The following PHACTR1 variants were observed in gnomAD, a reference collection of about 807,000 sequenced individuals.
PHACTR1 encodes RPEL repeat containing 1.
Under a neutral mutation model 69.2 loss-of-function variants are expected in PHACTR1, and 16 were observed. That is an observed-to-expected ratio of 0.23 (90% CI 0.16 to 0.35). The LOEUF (loss-of-function observed/expected upper bound fraction) is 0.35. PHACTR1 is among the 10% of genes least tolerant of loss of function. The probability of loss-of-function intolerance (pLI) is 1.00; values close to 1 mark genes in which losing one functional copy is unlikely to be tolerated. For missense variants in PHACTR1, 510 were observed against 734.7 expected, an observed-to-expected ratio of 0.69 and a Z score of 3.54; for synonymous variants, 312 against 284.5, an observed-to-expected ratio of 1.10 and a Z score of -0.97.
chr6:12,835,289 T>C (rs1392601544), intron 4 of PHACTR1, among the ~76,000 whole-genome samples: 1 of 151,984 alleles, frequency 6.6e-6, no homozygotes, highest in Non-Finnish European at 1.5e-5. Context: ...ATGAGGTTTT[T>C]CTGGGGACAC....
Position 13,163,175 on chromosome 6 carries a change from G to T in PHACTR1, c.496+2891G>T, listed in dbSNP as rs541971489. ...CAGGAGAATCACTTGAACCCAGGAG[G>T]TGGAGGTTGCAGTGAGCCAAGATTG... On this transcript the variant is annotated intron_variant, in intron 6 of 14. Coordinates refer to ENST00000332995, the MANE Select transcript of PHACTR1 (RefSeq NM_030948.6). 2.6e-5 allele frequency among the ~76,000 whole-genome samples: 4 copies of T among 152,352 alleles called. No individual in the cohort carries two copies. The East Asian group carries it at 5.8e-4, about 22-fold the overall frequency.
intron 10 of PHACTR1, among the ~76,000 whole-genome samples, chr6:13,249,520 C>T (rs1440902882): frequency 3.3e-5 from 5 of 152,078 alleles, no homozygotes; most frequent in African/African-American, 7.2e-5. Flanking sequence ...GTGATTAAGC[C>T]GGGCGTGGTG....
Position 13,275,740 on chromosome 6 carries a change from C to T in PHACTR1, c.1448-2528C>T, listed in dbSNP as rs547534993. On this transcript the variant is annotated intron_variant, in intron 11 of 14. Transcript: ENST00000332995. The surrounding 1 kb of genome is among the most constrained non-coding windows in gnomAD (Gnocchi z 4.0). ...AGACGAGGTGGTCACTAGGTCCCCT[C>T]ATGGCCCTAGTATTCTGTGCTTCTG... 7.9e-4 allele frequency: 120 copies of T among 151,774 alleles called. No individual in the cohort carries two copies. Among genetic ancestry groups the T allele is most frequent in the African/African-American group, 2.6e-3 (108 of 41,282 alleles). 9.4% of individuals were successfully genotyped at this position (151,774 alleles called of 1,614,324 possible).
At chr6:13,041,373 C>T (rs1230665500) in intron 4 of PHACTR1, among the ~76,000 whole-genome samples, 2 of 151,372 alleles carry the variant, frequency 1.3e-5, no homozygotes, top group African/African-American at 4.9e-5. Context: ...CACACACACA[C>T]ACACACAGAA....
chr6:12,807,902 G>A (rs1371583689), intron 4 of PHACTR1, among the ~76,000 whole-genome samples: 4 of 152,124 alleles, frequency 2.6e-5, no homozygotes, highest in African/African-American at 9.7e-5. Flanking sequence ...AAATGTCGTT[G>A]CCCAATAAAG....
At chr6:13,227,508 G>A (rs1323777284) in intron 8 of PHACTR1, among the ~76,000 whole-genome samples, 4 of 152,046 alleles carry the variant, frequency 2.6e-5, no homozygotes, top group Non-Finnish European at 5.9e-5. Context: ...ACATCATTGT[G>A]CAACCATCAC....
chr6:12,959,593 A>G (rs1355387968), intron 4 of PHACTR1, among the ~76,000 whole-genome samples: 2 of 152,194 alleles, frequency 1.3e-5, no homozygotes, highest in Non-Finnish European at 2.9e-5. Context: ...TTAAATAATT[A>G]ATATCAGCAG....
intron 4 of PHACTR1, among the ~76,000 whole-genome samples, chr6:12,811,037 C>T (rs1010271144): frequency 1.7e-4 from 25 of 150,574 alleles, no homozygotes; most frequent in Middle Eastern, 3.2e-3. Context: ...TCAGTGGGTG[C>T]TCTGAGGACT....
At chr6:13,003,680 C>T (rs1366873301) in intron 4 of PHACTR1, among the ~76,000 whole-genome samples, 1 of 151,662 alleles carries the variant, frequency 6.6e-6, no homozygotes, top group Non-Finnish European at 1.5e-5. Context: ...TGAGTGTAGC[C>T]ATCACCCTAA....
In PHACTR1 at chr6:12,875,762, C is replaced by T. The variant is rs528652158; in HGVS notation, c.250+125972C>T. ...TGGAGAATTTGCTAGATAAACCTGG[C>T]TTGTGTTGTCAATATTTTTCGAGCT... On this transcript the variant is annotated intron_variant, in intron 4 of 14. Transcript: ENST00000332995. Among the ~76,000 whole-genome samples, 5 of 152,290 alleles carry T rather than the reference C, an allele frequency of 3.3e-5. No homozygotes were observed. The East Asian group carries it at 9.7e-4, about 29-fold the overall frequency.
chr6:12,899,103 C>A lies in PHACTR1; in HGVS notation c.250+149313C>A, dbSNP rs190293561. On this transcript the variant is annotated intron_variant, in intron 4 of 14. Coordinates refer to ENST00000332995, the MANE Select transcript of PHACTR1 (RefSeq NM_030948.6). The stretch of plus-strand genomic sequence containing the variant: ...CCTGCATTCTCCCAGAGCACCTGTG[C>A]GTGCTTCCCTCACATCACTTCTTAC... Among the ~76,000 whole-genome samples, 232 of 152,168 alleles carry A rather than the reference C, an allele frequency of 1.5e-3. 2 individuals are homozygous for A. Among genetic ancestry groups the A allele is most frequent in the Non-Finnish European group, 3.8e-4 (26 of 68,034 alleles).
chr6:12,793,940 C>G (rs1461225391), intron 4 of PHACTR1, among the ~76,000 whole-genome samples: 1 of 152,104 alleles, frequency 6.6e-6, no homozygotes, highest in East Asian at 1.9e-4. Flanking sequence ...ATTTATTATG[C>G]AACAACAAAA....
intron 10 of PHACTR1, among the ~76,000 whole-genome samples, chr6:13,238,705 G>A (rs755133453): frequency 1.1e-4 from 16 of 152,118 alleles, no homozygotes; most frequent in South Asian, 4.1e-4. Flanking sequence ...CTGACACACC[G>A]ACACCTAGCT....
intron 5 of PHACTR1, among the ~76,000 whole-genome samples, chr6:13,126,859 A>G (rs1177355628): frequency 6.6e-6 from 1 of 152,246 alleles, no homozygotes; most frequent in Non-Finnish European, 1.5e-5. Context: ...ACTTTACTAT[A>G]TACATCGTAG....
At position 12,790,376 on chromosome 6, in the gene PHACTR1, G is replaced by T. The variant is rs562605472; in HGVS notation, c.250+40586G>T. Among the ~76,000 whole-genome samples the T allele has an allele frequency of 3.9e-5, 6 of 152,170 alleles. No homozygotes were observed. In the South Asian group the frequency reaches 1.2e-3, roughly 32 times the overall value. ...GGTGCCTTAGAGGCTTTTCACTTTT[G>T]TTCCCTCTGCCTGGAATGCTCTTTT... On this transcript the variant is annotated intron_variant, in intron 4 of 14. Coordinates refer to ENST00000332995, the MANE Select transcript of PHACTR1 (RefSeq NM_030948.6).
intron 4 of PHACTR1, among the ~76,000 whole-genome samples, chr6:12,788,852 G>A (rs1472667436): frequency 1.3e-5 from 2 of 152,218 alleles, no homozygotes; most frequent in African/African-American, 2.4e-5. Flanking sequence ...CTGCATTGAA[G>A]ACTTGAAGGC....
intron 10 of PHACTR1, among the ~76,000 whole-genome samples, chr6:13,234,228 T>C (rs1198699009): frequency 6.6e-6 from 1 of 152,234 alleles, no homozygotes; most frequent in Non-Finnish European, 1.5e-5. Flanking sequence ...AGTAGAAGTT[T>C]GGGTTCTGGC....
At chr6:12,992,743 T>C (rs980995168) in intron 4 of PHACTR1, among the ~76,000 whole-genome samples, 1 of 152,142 alleles carries the variant, frequency 6.6e-6, no homozygotes, top group African/African-American at 2.4e-5. Context: ...AAAAAAGCTC[T>C]CTCTCCTACA....
chr6:12,831,537 C>A (rs958846750), intron 4 of PHACTR1, among the ~76,000 whole-genome samples: 3 of 152,030 alleles, frequency 2.0e-5, no homozygotes, highest in Non-Finnish European at 4.4e-5. Context: ...AGAAGTCTGC[C>A]CCCTTGTTTA....
Sources: allele counts gnomAD v4.1 joint callset (sites outside exome capture counted in the v4.1 genomes callset), GRCh38; gene constraint gnomAD v4.1.1; non-coding constraint Gnocchi (gnomAD v3.1); transcripts MANE v1.5; gene names NCBI Gene and HGNC (gene_info 2026-07-23, HGNC 2026-07-21).